HORMAD2: variants seen among roughly 807,000 people sequenced by gnomAD.
HORMAD2 encodes HORMA domain-containing protein 2.
In HORMAD2, 45 loss-of-function variants were observed where a neutral mutation model predicts 38.8. That is an observed-to-expected ratio of 1.16 (90% CI 0.91 to 1.49). The LOEUF (loss-of-function observed/expected upper bound fraction) is 1.49, where lower values mean the gene tolerates loss of function less well. Ranked by LOEUF, HORMAD2 falls within the 40% of genes most tolerant of loss-of-function variation. The pLI, the probability that HORMAD2 is intolerant of heterozygous loss-of-function variation, is 0.00. For synonymous variants in HORMAD2, 126 were observed against 122.8 expected (o/e 1.03, Z -0.17); for missense variants, 338 against 367.0 (o/e 0.92, Z 0.65).
chr22:30,187,949 A>G, the HORMAD2 span, among the ~76,000 whole-genome samples: 75 of 152,278 alleles, frequency 4.9e-4, no homozygotes, highest in Non-Finnish European at 8.8e-4. Flanking sequence ...AATGTAGGCT[A>G]GTCAACAGGA....
the HORMAD2 span, among the ~76,000 whole-genome samples, chr22:30,206,595 G>A: frequency 4.6e-5 from 7 of 151,926 alleles, no homozygotes; most frequent in Non-Finnish European, 7.4e-5. Context: ...CAATCCTCTC[G>A]CCTCAGCCTA....
intron 1 of HORMAD2, among the ~76,000 whole-genome samples, chr22:30,090,538 C>T (rs2068663951): frequency 6.6e-6 from 1 of 152,094 alleles, no homozygotes; most frequent in Non-Finnish European, 1.5e-5. Context: ...TCCCTGGTTT[C>T]AATTCTTTTG....
chr22:30,110,032 T>C (rs1399995317), intron 5 of HORMAD2, among the ~76,000 whole-genome samples: 1 of 151,998 alleles, frequency 6.6e-6, no homozygotes, highest in Non-Finnish European at 1.5e-5. Flanking sequence ...CATCCACAGA[T>C]TCAACCAACT....
intron 10 of HORMAD2, among the ~76,000 whole-genome samples, chr22:30,141,974 G>A (rs1418589387): frequency 6.6e-6 from 1 of 152,094 alleles, no homozygotes; most frequent in African/African-American, 2.4e-5. Context: ...TACGGGCTGG[G>A]TGCGATAGCT....
At chr22:30,097,057 C>G (rs566975942) in intron 2 of HORMAD2, among the ~76,000 whole-genome samples, 4 of 152,156 alleles carry the variant, frequency 2.6e-5, no homozygotes, top group Non-Finnish European at 4.4e-5. Context: ...ATTGACACAA[C>G]ACCGGCTGGA....
At chr22:30,131,366 G>C (rs1460356564) in intron 10 of HORMAD2, among the ~76,000 whole-genome samples, 4 of 151,914 alleles carry the variant, frequency 2.6e-5, no homozygotes, top group African/African-American at 4.8e-5. Context: ...TTTAGGCAGG[G>C]GTCTACTATA....
intron 10 of HORMAD2, among the ~76,000 whole-genome samples, chr22:30,156,518 T>C (rs1234972617): frequency 6.6e-6 from 1 of 152,238 alleles, no homozygotes; most frequent in Non-Finnish European, 1.5e-5. Context: ...ATGGACACAG[T>C]CTCGGAATCA....
chr22:30,113,277 G>A (rs1047181990), intron 7 of HORMAD2, among the ~76,000 whole-genome samples: 2 of 150,472 alleles, frequency 1.3e-5, no homozygotes, highest in African/African-American at 2.4e-5. Flanking sequence ...ATGGAGTCTC[G>A]CTCTGTTACA....
the HORMAD2 span, among the ~76,000 whole-genome samples, chr22:30,203,582 ACAG>A: frequency 6.6e-6 from 1 of 152,012 alleles, no homozygotes; most frequent in Non-Finnish European, 1.5e-5. Context: ...TACACATACA[ACAG>A]CACACATACA....
chr22:30,131,682 T>C (rs966946697), intron 10 of HORMAD2, among the ~76,000 whole-genome samples: 2 of 152,248 alleles, frequency 1.3e-5, no homozygotes, highest in Non-Finnish European at 2.9e-5. Flanking sequence ...TTTTTAAGCA[T>C]ATCCCAAACA....
intron 1 of HORMAD2, among the ~76,000 whole-genome samples, chr22:30,087,222 A>G (rs1379107457): frequency 6.6e-6 from 1 of 152,178 alleles, no homozygotes; most frequent in Non-Finnish European, 1.5e-5. Context: ...AGGTTGAGTC[A>G]CAGATTTTGT....
intron 10 of HORMAD2, among the ~76,000 whole-genome samples, chr22:30,163,848 T>C (rs762611571): frequency 6.6e-6 from 1 of 152,224 alleles, no homozygotes; most frequent in Non-Finnish European, 1.5e-5. Context: ...TTCAGTGGCA[T>C]TAAGTGTATT....
chr22:30,182,766 A>G, the HORMAD2 span, among the ~76,000 whole-genome samples: 4 of 152,248 alleles, frequency 2.6e-5, no homozygotes, highest in Non-Finnish European at 4.4e-5. Context: ...TCTTTAAAAA[A>G]TAAACAAATA....
At chr22:30,204,574 T>G in the HORMAD2 span, among the ~76,000 whole-genome samples, 1 of 152,318 alleles carries the variant, frequency 6.6e-6, no homozygotes, top group African/African-American at 2.4e-5. Context: ...AGGCCTTTCA[T>G]GTGGTTGCTG....
At chr22:30,167,238 G>C (rs763105522) in intron 10 of HORMAD2, among the ~76,000 whole-genome samples, 1 of 152,162 alleles carries the variant, frequency 6.6e-6, no homozygotes, top group Admixed American at 6.5e-5. Context: ...GGATACATCT[G>C]ATTACATTTA....
At chr22:30,128,737 G>A (rs546735325) in intron 10 of HORMAD2, among the ~76,000 whole-genome samples, 1 of 152,222 alleles carries the variant, frequency 6.6e-6, no homozygotes, top group African/African-American at 2.4e-5. Flanking sequence ...CCTTGTGTGG[G>A]GGTGAGCTCC....
intron 10 of HORMAD2, among the ~76,000 whole-genome samples, chr22:30,171,526 T>C (rs1447252696): frequency 6.6e-6 from 1 of 152,166 alleles, no homozygotes; most frequent in Non-Finnish European, 1.5e-5. Flanking sequence ...CCATCTCCAC[T>C]GCCATGCAAG....
intron 5 of HORMAD2, 86 bp from the exon 6 acceptor site, chr22:30,111,710 A>G: frequency 1.8e-6 from 2 of 1,125,882 alleles, no homozygotes; most frequent in Non-Finnish European, 2.5e-6. Flanking sequence ...CCTCTCTGAA[A>G]TAATATTTTA....
In HORMAD2 at chr22:30,129,873, C is replaced by T. The variant is rs143480623; in HGVS notation, c.819+7659C>T. On this transcript the variant is annotated intron_variant, in intron 10 of 10. Coordinates refer to ENST00000336726, the MANE Select transcript of HORMAD2 (RefSeq NM_152510.4). ...GCAGTGATCATGGCAGAGGACATTCCAGGCAAGTTGGAAAGTCCAGTATGG... is the reference window on the plus strand; with the variant it reads ...GCAGTGATCATGGCAGAGGACATTCTAGGCAAGTTGGAAAGTCCAGTATGG... 1.7e-3 allele frequency among the ~76,000 whole-genome samples: 252 copies of T among 152,114 alleles called. 2 individuals carry two copies. The South Asian group carries it at 0.017, about 10-fold the overall frequency.
Sources: gnomAD v4.1 joint callset for allele counts (sites outside exome capture counted in the v4.1 genomes callset) on GRCh38, gnomAD v4.1.1 for gene constraint, MANE v1.5 for transcripts, NCBI Gene and HGNC (gene_info 2026-07-23, HGNC 2026-07-21) for gene names.